FANCM: variants seen among roughly 807,000 people sequenced by gnomAD.
FANCM encodes FA complementation group M, also known as Fanconi anemia group M protein.
Under a neutral mutation model 199.5 loss-of-function variants are expected in FANCM, and 140 were observed. The ratio of observed to expected loss-of-function variants is 0.70; its 90% CI spans 0.61 to 0.81. FANCM has a LOEUF of 0.81. Ranked by LOEUF, FANCM falls within the 30% of genes least tolerant of loss-of-function variation. The pLI is 0.00. For missense variants in FANCM, 2,410 were observed against 2,421.4 expected (o/e 1.00, Z 0.10); for synonymous variants, 840 against 836.8 (o/e 1.00, Z -0.07).
chr14:45,154,955 A>G, intron 7 of FANCM, 133 bp downstream of exon 7: 1 of 630,890 alleles, frequency 1.6e-6, no homozygotes, highest in South Asian at 2.2e-5. Flanking sequence ...AAATGTGTAA[A>G]TATTTCATTT....
chr14:45,145,286 TG>T (rs1246859198), intron 3 of FANCM, among the ~76,000 whole-genome samples: 6 of 151,758 alleles, frequency 4.0e-5, no homozygotes, highest in African/African-American at 9.7e-5. Flanking sequence ...CTGCCCAGAC[TG>T]GGGTTGAATG....
chr14:45,155,823 C>G (rs556555866), intron 8 of FANCM, among the ~76,000 whole-genome samples: 1 of 152,172 alleles, frequency 6.6e-6, no homozygotes, highest in South Asian at 2.1e-4. Flanking sequence ...ATAAAACAAA[C>G]AAAGAAAAAC....
At chr14:45,174,932 A>C in intron 13 of FANCM, 139 bp from the exon 14 acceptor site, 1 of 575,346 alleles carries the variant, frequency 1.7e-6, no homozygotes, top group South Asian at 2.5e-5. Flanking sequence ...TATCGGAATA[A>C]CTTTTAAGGT....
At chr14:45,137,563 G>GT (rs1885610941) in intron 2 of FANCM, 5 of 321,252 alleles carry the variant, frequency 1.6e-5, no homozygotes, top group South Asian at 1.2e-4. Flanking sequence ...TATGAAAGGA[G>GT]TTTTGAAATT....
rs759993342 is a variant in FANCM at position 45,176,171 on chromosome 14, T to C, written c.3417T>C (p.Asp1139=). The change falls in exon 14 of 23, where the codon GAT becomes GAC. Residue 1139 remains aspartate, a synonymous_variant. Transcript: ENST00000267430. The part of the protein sequence containing the change: ...DQDESLLLFE[D]VNTEFDDVSL... ...ATGAAAGTTTGCTGTTATTTGAAGA[T>C]GTTAATACAGAGTTCGACGATGTGA... The C allele has an allele frequency of 1.9e-6, 3 of 1,614,016 alleles. No individual in the cohort carries two copies. The East Asian group carries it at 6.7e-5, about 36-fold the overall frequency.
chr14:45,167,519 A>G (rs1324091283), intron 11 of FANCM: 1 of 214,712 alleles, frequency 4.7e-6, no homozygotes, highest in Non-Finnish European at 9.4e-6. Flanking sequence ...AGACAGAAAG[A>G]AATTCCCTAT....
intron 8 of FANCM, among the ~76,000 whole-genome samples, chr14:45,158,432 C>T (rs1266398656): frequency 1.4e-5 from 2 of 144,434 alleles, no homozygotes; most frequent in South Asian, 2.5e-4. Context: ...ACCCCCCTAC[C>T]TCACCCGCCC....
chr14:45,160,299 G>A (rs1355408949), intron 9 of FANCM, among the ~76,000 whole-genome samples: 1 of 150,328 alleles, frequency 6.7e-6, no homozygotes, highest in East Asian at 2.0e-4. Context: ...TGGCTGGGAG[G>A]TAGTCTTCTT....
rs865938313 is a variant in FANCM, at chr14:45,156,138, A to G, written c.1396+679A>G. 5.9e-5 allele frequency among the ~76,000 whole-genome samples: 9 copies of G among 152,256 alleles called. No individual in the cohort carries two copies. In the South Asian group the frequency reaches 1.0e-3, roughly 18 times the overall value. On this transcript the variant is annotated intron_variant, in intron 8 of 22. Coordinates refer to ENST00000267430, the MANE Select transcript of FANCM (RefSeq NM_020937.4). The stretch of plus-strand genomic sequence containing the variant: ...TCTCTGTAGAGGGATATTTAAAGTG[A>G]TGATGGAGATAAGGGAGGAAGCCTT...
At chr14:45,137,418 C>G in intron 2 of FANCM, 177 bp downstream of exon 2, 1 of 617,716 alleles carries the variant, frequency 1.6e-6, no homozygotes, top group Non-Finnish European at 2.8e-6. Flanking sequence ...CCATTCAAAT[C>G]AGTGTCTTCA....
chr14:45,193,187 G>C (rs558940505), intron 20 of FANCM, among the ~76,000 whole-genome samples: 39 of 152,296 alleles, frequency 2.6e-4, no homozygotes, highest in African/African-American at 7.9e-4. Flanking sequence ...GATCAGGAAG[G>C]AAACAAGAAA....
chr14:45,172,077 A>G (rs766795323), intron 12 of FANCM, among the ~76,000 whole-genome samples: 1 of 151,920 alleles, frequency 6.6e-6, no homozygotes, highest in Non-Finnish European at 1.5e-5. Context: ...GTGGTATTGT[A>G]TTGTGGTTTT....
intron 17 of FANCM, among the ~76,000 whole-genome samples, chr14:45,184,124 T>G (rs1889240165): frequency 6.6e-6 from 1 of 152,146 alleles, no homozygotes; most frequent in Non-Finnish European, 1.5e-5. Flanking sequence ...TTACTTTGAA[T>G]GAATACCAAA....
chr14:45,188,503 C>T (rs1340076290), intron 19 of FANCM, among the ~76,000 whole-genome samples: 5 of 152,000 alleles, frequency 3.3e-5, no homozygotes, highest in African/African-American at 4.8e-5. Context: ...GTAATGTGTA[C>T]TCTCTGTACT....
chr14:45,175,727 G>A lies in FANCM; in HGVS notation c.2973G>A (p.Glu991=), dbSNP rs780342817. 12 of 1,613,892 alleles carry A rather than the reference G, an allele frequency of 7.4e-6. No homozygotes were observed. The highest frequency in any genetic ancestry group is 1.0e-5 in the Non-Finnish European group (12 of 1,179,940). Residue 991 remains glutamate, a synonymous_variant, in exon 14 of 23, where the codon GAG becomes GAA. Transcript: ENST00000267430. ...CAAAAGAGGTACTAGCTAATGTAGAGAGATTTTTATCTTATTCTCCTCCGC... is the reference window on the plus strand; with the variant it reads ...CAAAAGAGGTACTAGCTAATGTAGAAAGATTTTTATCTTATTCTCCTCCGC... ...SLTKEVLANV[E]RFLSYSPPPL...
chr14:45,139,425 G>T lies in FANCM; in HGVS notation c.682-1207G>T, dbSNP rs1375660414. Among the ~76,000 whole-genome samples the T allele has an allele frequency of 3.9e-5, 6 of 152,026 alleles. No individual in the cohort carries two copies. The East Asian group carries it at 1.2e-3, about 29-fold the overall frequency. On this transcript the variant is annotated intron_variant, in intron 2 of 22. Coordinates refer to ENST00000267430, the MANE Select transcript of FANCM (RefSeq NM_020937.4). ...TTGTTTAATCCTGTGTTTAATTTGG[G>T]AACTATGGTATACTGAGAGCTGTTC...
chr14:45,175,298 T>G lies in FANCM; in HGVS notation c.2544T>G (p.Thr848=). ...EIVKQTHIKP[T]KIVSLKKKVS... is the part of the protein sequence containing the mutation. ...TTAAACAAACTCATATCAAACCTAC[T>G]AAAATTGTTTCTTTAAAGAAAAAAG... Residue 848 remains threonine, a synonymous_variant, in exon 14 of 23, where the codon ACT becomes ACG. Coordinates refer to ENST00000267430, the MANE Select transcript of FANCM (RefSeq NM_020937.4). The G allele has an allele frequency of 1.9e-6, 3 of 1,576,086 alleles. No individual in the cohort carries two copies. The highest frequency in any genetic ancestry group is 2.6e-6 in the Non-Finnish European group (3 of 1,165,284).
At position 45,159,100 on chromosome 14, in the gene FANCM, A is replaced by G; in HGVS notation, c.1401A>G (p.Glu467=). 6.3e-7 allele frequency: 1 copy of G among 1,589,646 alleles called. No homozygotes were observed. Among genetic ancestry groups the G allele is most frequent in the Non-Finnish European group, 8.6e-7 (1 of 1,160,656 alleles). The change falls in exon 9 of 23, where the codon GAA becomes GAG. Residue 467 remains glutamate, a synonymous_variant. Transcript: ENST00000267430. ...VIEHFKSWNA[E]NTTEKKRDET... The stretch of plus-strand genomic sequence containing the variant: ...AGTTTTTATATATATATATAGCTGA[A>G]AACACTACTGAAAAGAAACGTGATG...
At chr14:45,191,068 G>T (rs192287466) in intron 20 of FANCM, among the ~76,000 whole-genome samples, 93 of 152,236 alleles carry the variant, frequency 6.1e-4, no homozygotes, top group African/African-American at 2.0e-3. Flanking sequence ...TATAAATGGG[G>T]TCTGTTATTT....
Sources: allele counts gnomAD v4.1 joint callset (sites outside exome capture counted in the v4.1 genomes callset), GRCh38; gene constraint gnomAD v4.1.1; transcripts MANE v1.5; gene names NCBI Gene and HGNC (gene_info 2026-07-23, HGNC 2026-07-21).